PCDHA9: variants seen among roughly 807,000 people sequenced by gnomAD.
PCDHA9 encodes the protein protocadherin alpha-9.
PCDHA9 carries 62 observed loss-of-function variants against 62.0 expected under a neutral mutation model. The ratio of observed to expected loss-of-function variants is 1.00; its 90% CI spans 0.81 to 1.23. The LOEUF (loss-of-function observed/expected upper bound fraction) is 1.23, where lower values mean the gene tolerates loss of function less well. Among genes scored for constraint, PCDHA9 ranks in the 50% most tolerant of loss-of-function variants. The pLI is 0.00. For missense variants in PCDHA9, 1,205 were observed against 1,249.8 expected, an observed-to-expected ratio of 0.96 and a Z score of 0.54; for synonymous variants, 557 against 567.6, an observed-to-expected ratio of 0.98 and a Z score of 0.27.
At chr5:140,952,445 G>A (rs1187543872) in intron 1 of PCDHA9, among the ~76,000 whole-genome samples, 1 of 152,002 alleles carries the variant, frequency 6.6e-6, no homozygotes, top group Non-Finnish European at 1.5e-5. Flanking sequence ...GCATAATACA[G>A]CCAGGCTCTT....
In PCDHA9 at chr5:140,850,702, AGCCGAC is replaced by A. The variant is rs2150495011; in HGVS notation, c.2210_2215del (p.Pro737_Thr738del). ...ACCGAGGGCGAGTGCGCGCCTGGCAAGCCGACGCTGGTGTGTTCTAGCGCGGTGGGG... is the reference window on the plus strand; with the variant it reads ...ACCGAGGGCGAGTGCGCGCCTGGCAAGCTGGTGTGTTCTAGCGCGGTGGGG... On this transcript the variant is annotated inframe_deletion, in exon 1 of 4. Coordinates refer to ENST00000532602, the MANE Select transcript of PCDHA9 (RefSeq NM_031857.2). 2 of 1,598,050 alleles carry A rather than the reference AGCCGAC, an allele frequency of 1.3e-6. No homozygotes were observed. Among genetic ancestry groups the A allele is most frequent in the Non-Finnish European group, 1.7e-6 (2 of 1,167,746 alleles).
At chr5:140,966,638 T>A in intron 1 of PCDHA9, 2 of 1,090,114 alleles carry the variant, frequency 1.8e-6, no homozygotes, top group South Asian at 2.2e-5. Flanking sequence ...CCAGGCGCTT[T>A]CTAGAGCGTG....
intron 1 of PCDHA9, among the ~76,000 whole-genome samples, chr5:140,945,698 T>C (rs530742031): frequency 3.9e-5 from 6 of 152,046 alleles, no homozygotes; most frequent in Non-Finnish European, 8.8e-5. Flanking sequence ...GTCCACTGAT[T>C]TGCAACAAAA....
chr5:140,934,580 T>C lies in PCDHA9; in HGVS notation c.2395-44369T>C, dbSNP rs531235009. 3.9e-5 allele frequency among the ~76,000 whole-genome samples: 6 copies of C among 152,296 alleles called. No individual in the cohort carries two copies. In the East Asian group the frequency reaches 1.2e-3, roughly 29 times the overall value. On this transcript the variant is annotated intron_variant, in intron 1 of 3. Transcript: ENST00000532602. ...CTTTTTTTTAATTAATTGTAACATT[T>C]CTGTAATGGGTCTTCAACTATTTGA...
In PCDHA9 at chr5:141,011,378, C is replaced by T. The variant is rs1419825590; in HGVS notation, c.*1441C>T. 1 of 153,742 alleles carries T rather than the reference C, an allele frequency of 6.5e-6. No individual in the cohort carries two copies. Among genetic ancestry groups the T allele is most frequent in the African/African-American group, 2.4e-5 (1 of 41,460 alleles). The allele number at this position is 153,742 out of a possible 1,614,324, so 9.5% of individuals were successfully genotyped here. Reference sequence around the variant, plus strand: ...ATGTATGCTGTATGCTATGCTAAGACTCCTGAAATATACTTACTCTGTGCT... The same window carrying T: ...ATGTATGCTGTATGCTATGCTAAGATTCCTGAAATATACTTACTCTGTGCT... On this transcript the variant is annotated 3_prime_UTR_variant, in exon 4 of 4. Coordinates refer to ENST00000532602, the MANE Select transcript of PCDHA9 (RefSeq NM_031857.2).
rs548886698 is a variant in PCDHA9 at position 140,887,948 on chromosome 5, T to A, written c.2394+37059T>A. 7.1e-4 allele frequency among the ~76,000 whole-genome samples: 108 copies of A among 152,348 alleles called. 2 individuals carry two copies. Among genetic ancestry groups the A allele is most frequent in the Admixed American group, 7.0e-3 (107 of 15,298 alleles). On this transcript the variant is annotated intron_variant, in intron 1 of 3. Transcript: ENST00000532602. ...AGACCATATTTATTTCTTATCTGTA[T>A]AAGATTCTTTTTGTCTCTTTTAAAA... is the stretch of plus-strand genomic sequence containing the variant.
intron 1 of PCDHA9, among the ~76,000 whole-genome samples, chr5:140,938,521 T>C (rs2092100005): frequency 6.6e-6 from 1 of 150,974 alleles, no homozygotes; most frequent in African/African-American, 2.4e-5. Context: ...TTTTCTGTTA[T>C]TGAATGGATA....
Position 140,884,307 on chromosome 5 carries a change from C to T in PCDHA9, c.2394+33418C>T, listed in dbSNP as rs144612735. 3,633 of 1,613,724 alleles carry T rather than the reference C, an allele frequency of 2.3e-3. 15 individuals are homozygous for T. The highest frequency in any genetic ancestry group is 9.6e-3 in the Middle Eastern group (58 of 6,062). Reference sequence around the variant, plus strand: ...AGCGGCCAAGCGCCACAGGCTTCGTCGAGGGCGTCGGCAGGCGCTGTGGGT... The same window carrying T: ...AGCGGCCAAGCGCCACAGGCTTCGTTGAGGGCGTCGGCAGGCGCTGTGGGT... On this transcript the variant is annotated intron_variant, in intron 1 of 3. Transcript: ENST00000532602.
intron 1 of PCDHA9, among the ~76,000 whole-genome samples, chr5:140,919,753 T>C (rs1386045187): frequency 6.6e-6 from 1 of 152,212 alleles, no homozygotes; most frequent in Non-Finnish European, 1.5e-5. Flanking sequence ...ATTTCTCTTC[T>C]GCCTTTTGTA....
chr5:140,887,222 G>A (rs1406254180), intron 1 of PCDHA9, among the ~76,000 whole-genome samples: 1 of 151,284 alleles, frequency 6.6e-6, no homozygotes, highest in Non-Finnish European at 1.5e-5. Flanking sequence ...TCAGCCTCCC[G>A]AGTAGCTGAG....
At chr5:140,924,903 AAATAAAAT>A (rs1318660055) in intron 1 of PCDHA9, among the ~76,000 whole-genome samples, 2 of 54,856 alleles carry the variant, frequency 3.6e-5, no homozygotes, top group African/African-American at 8.4e-5. Context: ...TCAAAAAAAA[AAATAAAAT>A]AAAATAAAAT....
chr5:140,978,545 T>C (rs1478928718), intron 1 of PCDHA9, among the ~76,000 whole-genome samples: 2 of 152,258 alleles, frequency 1.3e-5, no homozygotes, highest in Non-Finnish European at 2.9e-5. Context: ...TGTGTAGCCA[T>C]GTGCCCTGTT....
chr5:140,883,672 T>C (rs782302494), intron 1 of PCDHA9: 2 of 1,613,366 alleles, frequency 1.2e-6, no homozygotes, highest in Non-Finnish European at 1.7e-6. Context: ...AGGAAAACAA[T>C]CCGCCGGGCT....
intron 1 of PCDHA9, among the ~76,000 whole-genome samples, chr5:140,960,813 A>C (rs1356756058): frequency 6.6e-6 from 1 of 152,202 alleles, no homozygotes; most frequent in Non-Finnish European, 1.5e-5. Context: ...AGAGGTCCCA[A>C]GTGATGAATG....
At chr5:140,863,248 G>T (rs782700291) in intron 1 of PCDHA9, 54 of 1,395,948 alleles carry the variant, frequency 3.9e-5, no homozygotes, top group Middle Eastern at 1.9e-4. Flanking sequence ...TTTGGCGGGC[G>T]TCGAGGTCCG....
chr5:140,884,489 T>G, intron 1 of PCDHA9: 1 of 1,613,936 alleles, frequency 6.2e-7, no homozygotes, highest in East Asian at 2.2e-5. Flanking sequence ...CACTCTAGTG[T>G]GCTCCAGCGC....
intron 1 of PCDHA9, chr5:140,857,400 C>A: frequency 6.3e-7 from 1 of 1,598,488 alleles, no homozygotes; most frequent in Non-Finnish European, 8.6e-7. Flanking sequence ...AACGACAACG[C>A]GCCTGCGTTC....
chr5:140,871,577 G>A, intron 1 of PCDHA9: 1 of 1,474,316 alleles, frequency 6.8e-7, no homozygotes, highest in Non-Finnish European at 9.0e-7. Flanking sequence ...ATTTTTTAAG[G>A]GAAAGTTTTA....
At chr5:140,858,411 CTAT>C (rs782056031) in intron 1 of PCDHA9, 1 of 1,564,168 alleles carries the variant, frequency 6.4e-7, no homozygotes. Flanking sequence ...GAAGATCAGT[CTAT>C]TGGAGGGGAC....
Sources: allele counts gnomAD v4.1 joint callset (sites outside exome capture counted in the v4.1 genomes callset), GRCh38; gene constraint gnomAD v4.1.1; transcripts MANE v1.5; gene names NCBI Gene and HGNC (gene_info 2026-07-23, HGNC 2026-07-21).